The following DENND6A variants were observed in gnomAD, a reference collection of about 807,000 sequenced individuals.
DENND6A encodes the protein DENN domain containing 6A.
In DENND6A, 43 loss-of-function variants were observed where a neutral mutation model predicts 95.5. The observed-to-expected ratio is 0.45, with a 90% CI of 0.35 to 0.58. The LOEUF is 0.58. DENND6A is among the 20% of genes least tolerant of loss of function. The pLI, the probability that DENND6A is intolerant of heterozygous loss-of-function variation, is 0.00. For synonymous variants in DENND6A, 257 were observed against 260.4 expected, an observed-to-expected ratio of 0.99 and a Z score of 0.13; for missense variants, 574 against 736.0, an observed-to-expected ratio of 0.78 and a Z score of 2.55.
intron 10 of DENND6A, among the ~76,000 whole-genome samples, chr3:57,645,996 T>C (rs1004389550): frequency 6.6e-6 from 1 of 152,218 alleles, no homozygotes; most frequent in African/African-American, 2.4e-5. Context: ...TACTGTTCAC[T>C]AGCTATGTGC....
At chr3:57,679,277 TAGGAAACAC>T (rs1275148486) in intron 1 of DENND6A, among the ~76,000 whole-genome samples, 1 of 152,238 alleles carries the variant, frequency 6.6e-6, no homozygotes, top group African/African-American at 2.4e-5. Context: ...TTCTAGCTTT[TAGGAAACAC>T]AGTTAACTAG....
At chr3:57,653,094 G>A (rs2071244003) in intron 9 of DENND6A, among the ~76,000 whole-genome samples, 1 of 152,148 alleles carries the variant, frequency 6.6e-6, no homozygotes, top group Non-Finnish European at 1.5e-5. Context: ...AGGGCACCAA[G>A]TCGCCAGCTT....
At chr3:57,687,539 G>A (rs539876624) in intron 1 of DENND6A, among the ~76,000 whole-genome samples, 80 of 152,246 alleles carry the variant, frequency 5.3e-4, no homozygotes, top group Non-Finnish European at 4.1e-4. Context: ...ACTAAATAAC[G>A]GATTTTCATT....
rs561862559 is a variant in DENND6A at position 57,628,146 on chromosome 3, C to T, written c.*68G>A. The stretch of plus-strand genomic sequence containing the variant: ...CTGCCACTGAGAGATCTCCTTTGTG[C>T]GTCTGGTTGAAATGTCAGTATGCTT... On this transcript the variant is annotated 3_prime_UTR_variant, in exon 20 of 20. Coordinates refer to ENST00000311128, the MANE Select transcript of DENND6A (RefSeq NM_152678.3). The T allele has an allele frequency of 1.1e-4, 164 of 1,556,096 alleles. No homozygotes were observed. The South Asian group carries it at 1.8e-3, about 17-fold the overall frequency.
At position 57,663,786 on chromosome 3, in the gene DENND6A, T is replaced by C. The variant is rs1300344296; in HGVS notation, c.433-70A>G. 5.7e-6 allele frequency: 5 copies of C among 870,552 alleles called. No homozygotes were observed. In the Admixed American group the frequency reaches 8.8e-5, roughly 15 times the overall value. The allele number at this position is 870,552 out of a possible 1,614,324, so 53.9% of individuals were successfully genotyped here. A position where few individuals can be genotyped will look rare whatever the true frequency, so the allele number is the denominator to read the frequency against. ...ATATGTATCTATATCTATATCCATA[T>C]CTATATCTTTTAATATTAACATCAG... is the stretch of plus-strand genomic sequence containing the variant. On this transcript the variant is annotated intron_variant, in intron 4 of 19. Coordinates refer to ENST00000311128, the MANE Select transcript of DENND6A (RefSeq NM_152678.3).
chr3:57,663,663 T>A lies in DENND6A; in HGVS notation c.486A>T (p.Lys162Asn). Residue 162 changes from lysine to asparagine, a missense_variant, in exon 5 of 20, where the codon AAA becomes AAT. Transcript: ENST00000311128. ...TCTGAAAGTAGCCTCTTTTTAGAGTTTTATCTCGAACTTGTCGGAAATACA... is the reference window on the plus strand; with the variant it reads ...TCTGAAAGTAGCCTCTTTTTAGAGTATTATCTCGAACTTGTCGGAAATACA... ...GYVYFRQVRDKTLKRGYFQKS... is the reference protein window; with the variant it reads ...GYVYFRQVRDNTLKRGYFQKS... The A allele has an allele frequency of 3.8e-6, 6 of 1,587,870 alleles. No homozygotes were observed. In the Admixed American group the frequency reaches 1.1e-4, roughly 28 times the overall value.
At chr3:57,666,886 G>C (rs911056509) in intron 3 of DENND6A, among the ~76,000 whole-genome samples, 1 of 151,978 alleles carries the variant, frequency 6.6e-6, no homozygotes, top group Non-Finnish European at 1.5e-5. Context: ...CGATCACTAA[G>C]AAAACTAAAG....
chr3:57,666,015 G>T, intron 4 of DENND6A, 108 bp downstream of exon 4: 1 of 817,918 alleles, frequency 1.2e-6, no homozygotes, highest in Non-Finnish European at 2.0e-6. Flanking sequence ...ATATAATATA[G>T]TAGCAAAACA....
At chr3:57,628,936 C>A (rs1055585441) in intron 18 of DENND6A, 51 bp from the exon 19 acceptor site, 2 of 1,523,926 alleles carry the variant, frequency 1.3e-6, no homozygotes. Context: ...AATATTCAAA[C>A]CTCTCTATTT....
intron 12 of DENND6A, among the ~76,000 whole-genome samples, chr3:57,638,144 TAAATA>T (rs2070840077): frequency 6.6e-6 from 1 of 150,824 alleles, no homozygotes; most frequent in South Asian, 2.1e-4. Flanking sequence ...AAAAAATAAA[TAAATA>T]AAATAAACTT....
chr3:57,670,236 TAAAC>T (rs1445579076), intron 3 of DENND6A, among the ~76,000 whole-genome samples: 1 of 151,902 alleles, frequency 6.6e-6, no homozygotes, highest in East Asian at 1.9e-4. Flanking sequence ...GCCTGTGAAA[TAAAC>T]AGACAACAGA....
rs768971462 is a variant in DENND6A at position 57,630,533 on chromosome 3, T to C, written c.1518-10A>G. 6.3e-7 allele frequency: 1 copy of C among 1,584,186 alleles called. No homozygotes were observed. The highest frequency in any genetic ancestry group is 8.5e-7 in the Non-Finnish European group (1 of 1,172,560). ...AGACTTTAGGAAATGCCTATAAAAATACATTTTAAAAAAGTAAAGTTTGAT... is the reference window on the plus strand; with the variant it reads ...AGACTTTAGGAAATGCCTATAAAAACACATTTTAAAAAAGTAAAGTTTGAT... On this transcript the variant is annotated splice_polypyrimidine_tract_variant and intron_variant, in intron 17 of 19. Transcript: ENST00000311128.
intron 4 of DENND6A, among the ~76,000 whole-genome samples, chr3:57,664,814 A>G (rs1392612690): frequency 1.3e-5 from 2 of 152,204 alleles, no homozygotes; most frequent in Admixed American, 1.3e-4. Flanking sequence ...GCCTGGTGAC[A>G]GAGCAAGACT....
chr3:57,678,717 GCC>G (rs1409807107), intron 1 of DENND6A, among the ~76,000 whole-genome samples: 4 of 152,218 alleles, frequency 2.6e-5, no homozygotes, highest in Non-Finnish European at 5.9e-5. Context: ...CCATCTGCAA[GCC>G]AGGAAGAGGA....
At chr3:57,665,866 T>A in intron 4 of DENND6A, 1 of 336,872 alleles carries the variant, frequency 3.0e-6, no homozygotes, top group East Asian at 5.6e-5. Flanking sequence ...TATTAACAAA[T>A]GAAAGAAAAT....
intron 15 of DENND6A, 65 bp downstream of exon 15, chr3:57,633,200 G>A (rs1176187680): frequency 3.6e-6 from 5 of 1,372,846 alleles, no homozygotes; most frequent in Non-Finnish European, 5.1e-6. Flanking sequence ...TTGGAGGGCG[G>A]GAAAAACATT....
At chr3:57,649,289 C>A (rs955143832) in intron 9 of DENND6A, among the ~76,000 whole-genome samples, 1 of 152,090 alleles carries the variant, frequency 6.6e-6, no homozygotes, top group African/African-American at 2.4e-5. Flanking sequence ...AAATGCAAAT[C>A]AAACCCACAA....
chr3:57,657,614 T>G, intron 9 of DENND6A, 66 bp downstream of exon 9: 2 of 1,069,142 alleles, frequency 1.9e-6, no homozygotes, highest in Non-Finnish European at 2.7e-6. Context: ...ATTCATTTTT[T>G]AAATAAATTA....
chr3:57,671,587 AG>A (rs2071619043), intron 3 of DENND6A, among the ~76,000 whole-genome samples: 4 of 152,040 alleles, frequency 2.6e-5, no homozygotes, highest in Admixed American at 2.6e-4. Flanking sequence ...TCTCTGCTAT[AG>A]GGTTATAACT....
Sources: gnomAD v4.1 joint callset for allele counts (sites outside exome capture counted in the v4.1 genomes callset) on GRCh38, gnomAD v4.1.1 for gene constraint, MANE v1.5 for transcripts, NCBI Gene and HGNC (gene_info 2026-07-23, HGNC 2026-07-21) for gene names.